WDR1: variants seen among roughly 807,000 people sequenced by gnomAD.
WDR1 encodes the protein WD repeat domain 1, also known as WD repeat-containing protein 1.
Under a neutral mutation model 71.9 loss-of-function variants are expected in WDR1, and 21 were observed. The observed-to-expected ratio is 0.29, with a 90% CI of 0.21 to 0.42. The LOEUF (loss-of-function observed/expected upper bound fraction) is 0.42, where lower values mean the gene tolerates loss of function less well. Ranked by LOEUF, WDR1 falls within the 10% of genes least tolerant of loss-of-function variation. The pLI is 1.00. For synonymous variants in WDR1, 424 were observed against 347.4 expected (o/e 1.22, Z -2.45); for missense variants, 696 against 824.5 (o/e 0.84, Z 1.91).
At chr4:10,097,526 T>C (rs1177396522) in intron 5 of WDR1, among the ~76,000 whole-genome samples, 185 bp downstream of exon 5, 1 of 152,334 alleles carries the variant, frequency 6.6e-6, no homozygotes, top group East Asian at 1.9e-4. Context: ...GCTGAGGGCC[T>C]GGGGAGGACG....
intron 2 of WDR1, among the ~76,000 whole-genome samples, chr4:10,111,699 C>T (rs927260605): frequency 6.6e-6 from 1 of 152,150 alleles, no homozygotes; most frequent in Non-Finnish European, 1.5e-5. Context: ...TGTCATGCCA[C>T]CATTACCCCC....
chr4:10,114,930 G>A (rs1328226175), intron 2 of WDR1, among the ~76,000 whole-genome samples: 1 of 152,224 alleles, frequency 6.6e-6, no homozygotes, highest in African/African-American at 2.4e-5. Flanking sequence ...GGCAGAGCCA[G>A]CAGCTCTTCG....
chr4:10,111,906 A>T (rs1293533188), intron 2 of WDR1, among the ~76,000 whole-genome samples: 1 of 151,168 alleles, frequency 6.6e-6, no homozygotes, highest in African/African-American at 2.4e-5. Context: ...CCGGAAACTC[A>T]ATTTTATAGA....
intron 5 of WDR1, among the ~76,000 whole-genome samples, chr4:10,095,502 T>G (rs1439677426): frequency 6.6e-6 from 1 of 152,058 alleles, no homozygotes; most frequent in Non-Finnish European, 1.5e-5. Flanking sequence ...CTCCTCTCAC[T>G]TCCCCCAGCC....
At chr4:10,099,872 C>T (rs974928516) in intron 3 of WDR1, among the ~76,000 whole-genome samples, 3 of 152,206 alleles carry the variant, frequency 2.0e-5, no homozygotes, top group Non-Finnish European at 2.9e-5. Flanking sequence ...ACACAGAACT[C>T]GATGCTGATT....
chr4:10,088,032 T>G lies in WDR1; in HGVS notation c.718-92A>C, dbSNP rs1711699674. Reference sequence around the variant, plus strand: ...AGCTTGTCCACTGCGACTGTTTGAGTAGGACAGAAGGAGCCCAGAGAGAGG... The same window carrying G: ...AGCTTGTCCACTGCGACTGTTTGAGGAGGACAGAAGGAGCCCAGAGAGAGG... On this transcript the variant is annotated intron_variant, in intron 7 of 14. Coordinates refer to ENST00000499869, the MANE Select transcript of WDR1 (RefSeq NM_017491.5). 4 of 1,268,854 alleles carry G rather than the reference T, an allele frequency of 3.2e-6. No individual in the cohort carries two copies. The Admixed American group carries it at 9.2e-5, about 29-fold the overall frequency. The allele number at this position is 1,268,854 out of a possible 1,614,324, so 78.6% of individuals were successfully genotyped here.
intron 8 of WDR1, among the ~76,000 whole-genome samples, chr4:10,085,789 G>T (rs568039918): frequency 6.6e-6 from 1 of 152,336 alleles, no homozygotes; most frequent in Non-Finnish European, 1.5e-5. Flanking sequence ...CACGCAGCCT[G>T]GGCTGATACC....
intron 7 of WDR1, 55 bp from the exon 8 acceptor site, chr4:10,087,995 A>T: frequency 1.4e-6 from 2 of 1,480,312 alleles, no homozygotes; most frequent in Non-Finnish European, 1.8e-6. Context: ...CTGGAGAGAG[A>T]CCCCAAAAAG....
At chr4:10,086,577 A>C (rs1711580972) in intron 8 of WDR1, among the ~76,000 whole-genome samples, 1 of 152,150 alleles carries the variant, frequency 6.6e-6, no homozygotes, top group South Asian at 2.1e-4. Context: ...CTGACAGCAC[A>C]GCACGGGCCG....
chr4:10,105,759 C>A (rs373338541), intron 2 of WDR1, among the ~76,000 whole-genome samples: 5 of 152,208 alleles, frequency 3.3e-5, no homozygotes, highest in Admixed American at 2.6e-4. Context: ...ACACCAGCAA[C>A]CCCACTCCTA....
chr4:10,098,049 T>C (rs1006902986), intron 4 of WDR1, among the ~76,000 whole-genome samples, 158 bp from the exon 5 acceptor site: 2 of 151,926 alleles, frequency 1.3e-5, no homozygotes, highest in Non-Finnish European at 2.9e-5. Flanking sequence ...AGGGAAGCAC[T>C]GGGGTTCTGG....
chr4:10,103,267 TACACACACACACACACACACAG>T (rs1233922728), intron 3 of WDR1, among the ~76,000 whole-genome samples: 143 of 143,018 alleles, frequency 1.0e-3, no homozygotes, highest in Non-Finnish European at 1.6e-3. Flanking sequence ...CATTCACACA[TACACACACACACACACACACAG>T]ACACACACAC....
At position 10,116,750 on chromosome 4, in the gene WDR1, G is replaced by T. The variant is rs1312130871; in HGVS notation, c.-84C>A. On this transcript the variant is annotated 5_prime_UTR_variant, in exon 1 of 15. Coordinates refer to ENST00000499869, the MANE Select transcript of WDR1 (RefSeq NM_017491.5). The stretch of plus-strand genomic sequence containing the variant: ...GCGAATTACACCTCGCCGAGGCCGA[G>T]CCCGGGGACTGGAGCCGGAAGGCGG... 16 of 1,259,432 alleles carry T rather than the reference G, an allele frequency of 1.3e-5. No individual in the cohort carries two copies. The highest frequency in any genetic ancestry group is 2.5e-5 in the South Asian group (1 of 39,754). 78.0% of individuals were successfully genotyped at this position (1,259,432 alleles called of 1,614,324 possible).
At chr4:10,112,763 C>A (rs1713462309) in intron 2 of WDR1, among the ~76,000 whole-genome samples, 1 of 152,232 alleles carries the variant, frequency 6.6e-6, no homozygotes, top group African/African-American at 2.4e-5. Flanking sequence ...CACGACACAG[C>A]CTGGTTTTCC....
intron 13 of WDR1, 106 bp from the exon 14 acceptor site, chr4:10,077,554 C>G: frequency 6.4e-7 from 1 of 1,552,292 alleles, no homozygotes; most frequent in South Asian, 1.2e-5. Flanking sequence ...CGAGGTTTCT[C>G]ACGCGCTAAC....
At chr4:10,089,223 C>T (rs1365836417) in intron 5 of WDR1, among the ~76,000 whole-genome samples, 1 of 152,234 alleles carries the variant, frequency 6.6e-6, no homozygotes, top group Non-Finnish European at 1.5e-5. Context: ...ATTCTCCTGC[C>T]TCAGCCTCCC....
chr4:10,109,240 G>A (rs1262227527), intron 2 of WDR1, among the ~76,000 whole-genome samples: 2 of 150,776 alleles, frequency 1.3e-5, no homozygotes, highest in African/African-American at 2.5e-5. Flanking sequence ...CGCCAGACCT[G>A]AACTCAGGGC....
intron 5 of WDR1, chr4:10,092,983 T>C: frequency 8.9e-7 from 1 of 1,119,060 alleles, no homozygotes; most frequent in Non-Finnish European, 1.2e-6. Context: ...GACTGACCTG[T>C]ATCAACGAGC....
At chr4:10,077,068 C>A (rs1764825279) in intron 14 of WDR1, 10 of 531,134 alleles carry the variant, frequency 1.9e-5, no homozygotes, top group Non-Finnish European at 3.3e-5. Flanking sequence ...AAAGTGAGGC[C>A]TTCACTCAGC....
Sources: gnomAD v4.1 joint callset for allele counts (sites outside exome capture counted in the v4.1 genomes callset) on GRCh38, gnomAD v4.1.1 for gene constraint, MANE v1.5 for transcripts, NCBI Gene and HGNC (gene_info 2026-07-23, HGNC 2026-07-21) for gene names.